ADAMTS6: variants seen among roughly 807,000 people sequenced by gnomAD.
ADAMTS6 encodes A disintegrin and metalloproteinase with thrombospondin motifs 6.
In ADAMTS6, 23 loss-of-function variants were observed where a neutral mutation model predicts 144.3. The observed-to-expected ratio is 0.16, with a 90% CI of 0.11 to 0.23. The LOEUF is 0.23. Ranked by LOEUF, ADAMTS6 falls within the 10% of genes least tolerant of loss-of-function variation. ADAMTS6 has a pLI of 1.00. For missense variants in ADAMTS6, 999 were observed against 1,379.6 expected, an observed-to-expected ratio of 0.72 and a Z score of 4.37; for synonymous variants, 444 against 457.5, an observed-to-expected ratio of 0.97 and a Z score of 0.38.
chr5:65,337,103 T>C (rs1422383959), intron 7 of ADAMTS6, among the ~76,000 whole-genome samples: 1 of 152,134 alleles, frequency 6.6e-6, no homozygotes, highest in Non-Finnish European at 1.5e-5. Context: ...GTATTTATAC[T>C]ATAAATTGGG....
chr5:65,156,042 C>T (rs2111964459), intron 24 of ADAMTS6, among the ~76,000 whole-genome samples: 1 of 152,128 alleles, frequency 6.6e-6, no homozygotes, highest in Middle Eastern at 3.4e-3. Flanking sequence ...TTTTAAAGCC[C>T]CATTATTACA....
intron 7 of ADAMTS6, among the ~76,000 whole-genome samples, chr5:65,419,264 G>C (rs1242527540): frequency 1.3e-5 from 2 of 152,160 alleles, no homozygotes; most frequent in African/African-American, 4.8e-5. Context: ...AATGCAACTA[G>C]AGGTCAGTAT....
chr5:65,368,820 C>T (rs1027377235), intron 7 of ADAMTS6, among the ~76,000 whole-genome samples: 3 of 152,054 alleles, frequency 2.0e-5, no homozygotes, highest in Non-Finnish European at 4.4e-5. Flanking sequence ...TTTGGGAGGC[C>T]GAGGCGGGTG....
intron 13 of ADAMTS6, 109 bp from the exon 14 acceptor site, chr5:65,260,772 C>A: frequency 1.4e-6 from 1 of 715,540 alleles, no homozygotes; most frequent in South Asian, 2.4e-5. Context: ...AAAAATATAT[C>A]ATTTGACATG....
intron 7 of ADAMTS6, among the ~76,000 whole-genome samples, chr5:65,360,293 A>G (rs1749706077): frequency 6.6e-6 from 1 of 152,180 alleles, no homozygotes; most frequent in Non-Finnish European, 1.5e-5. Context: ...AACTCTATCA[A>G]GAGAACGGCA....
At chr5:65,376,982 G>A (rs1159377766) in intron 7 of ADAMTS6, among the ~76,000 whole-genome samples, 1 of 152,022 alleles carries the variant, frequency 6.6e-6, no homozygotes, top group African/African-American at 2.4e-5. Flanking sequence ...CGAAAAAGGG[G>A]TGAGAGTATC....
In ADAMTS6 at chr5:65,349,763, G is replaced by A. The variant is rs1277051956; in HGVS notation, c.1074-15678C>T. On this transcript the variant is annotated intron_variant, in intron 7 of 24. Coordinates refer to ENST00000381055, the MANE Select transcript of ADAMTS6 (RefSeq NM_197941.4). ...CCAGCTACTTGGGAGGCTGAGACAA[G>A]AGAATTGCTTGAACCCAAGAGGCGG... Among the ~76,000 whole-genome samples, 21 of 151,684 alleles carry A rather than the reference G, an allele frequency of 1.4e-4. 1 individual carries two copies.
intron 9 of ADAMTS6, among the ~76,000 whole-genome samples, chr5:65,305,971 A>T (rs753002153): frequency 6.6e-6 from 1 of 152,208 alleles, no homozygotes; most frequent in Non-Finnish European, 1.5e-5. Flanking sequence ...ATGAGGTAAC[A>T]TCTCTCCTCT....
At chr5:65,367,800 G>A (rs1750443425) in intron 7 of ADAMTS6, among the ~76,000 whole-genome samples, 1 of 151,566 alleles carries the variant, frequency 6.6e-6, no homozygotes, top group Non-Finnish European at 1.5e-5. Context: ...TTGTTTCCTG[G>A]GGAACAAACT....
intron 7 of ADAMTS6, among the ~76,000 whole-genome samples, chr5:65,356,886 T>C (rs956258554): frequency 1.3e-5 from 2 of 151,888 alleles, no homozygotes; most frequent in African/African-American, 4.8e-5. Flanking sequence ...TTTCCTTCTA[T>C]ACCTCAATTC....
intron 11 of ADAMTS6, among the ~76,000 whole-genome samples, chr5:65,275,428 GAAAGA>G (rs1762451182): frequency 6.8e-6 from 1 of 147,700 alleles, no homozygotes; most frequent in South Asian, 2.2e-4. Context: ...AAGAAAGAAA[GAAAGA>G]AAAGAAAAAA....
intron 7 of ADAMTS6, among the ~76,000 whole-genome samples, chr5:65,406,208 C>T (rs1754467462): frequency 6.6e-6 from 1 of 152,156 alleles, no homozygotes; most frequent in African/African-American, 2.4e-5. Context: ...TGAGAGAGGG[C>T]ATCCTTGTCT....
intron 24 of ADAMTS6, among the ~76,000 whole-genome samples, chr5:65,162,722 C>T (rs1752858946): frequency 6.6e-6 from 1 of 151,376 alleles, no homozygotes; most frequent in Non-Finnish European, 1.5e-5. Flanking sequence ...ATATAAAGGG[C>T]CTAACATAAT....
intron 23 of ADAMTS6, among the ~76,000 whole-genome samples, chr5:65,172,531 G>A (rs1753698553): frequency 6.6e-6 from 1 of 152,088 alleles, no homozygotes; most frequent in Admixed American, 6.6e-5. Flanking sequence ...CAAAGTTTTG[G>A]TAGCTTGTTC....
At chr5:65,159,500 A>G (rs1241819771) in intron 24 of ADAMTS6, among the ~76,000 whole-genome samples, 2 of 152,098 alleles carry the variant, frequency 1.3e-5, no homozygotes, top group African/African-American at 4.8e-5. Context: ...GTGACTGCAC[A>G]CACTTGTCCT....
At chr5:65,178,663 C>T (rs1185628861) in intron 22 of ADAMTS6, among the ~76,000 whole-genome samples, 3 of 152,190 alleles carry the variant, frequency 2.0e-5, no homozygotes, top group Non-Finnish European at 4.4e-5. Flanking sequence ...TGTCTAAGGG[C>T]CCTGGCAGCA....
At chr5:65,265,774 G>A (rs1761573499) in intron 12 of ADAMTS6, among the ~76,000 whole-genome samples, 1 of 151,840 alleles carries the variant, frequency 6.6e-6, no homozygotes, top group South Asian at 2.1e-4. Context: ...TAAGGCCTAA[G>A]CACTTCAGTT....
At chr5:65,323,959 G>A (rs1303633017) in intron 9 of ADAMTS6, among the ~76,000 whole-genome samples, 3 of 152,056 alleles carry the variant, frequency 2.0e-5, no homozygotes, top group Admixed American at 6.5e-5. Context: ...ACTTTTTGAT[G>A]GGGTTGTTTG....
intron 11 of ADAMTS6, among the ~76,000 whole-genome samples, chr5:65,284,783 G>A (rs75420489): frequency 0.034 from 5,152 of 152,132 alleles, 299 homozygotes; most frequent in African/African-American, 0.12. Context: ...TTAATGTGAA[G>A]TCTTAAAGTT....
Sources: gnomAD v4.1 joint callset for allele counts (sites outside exome capture counted in the v4.1 genomes callset) on GRCh38, gnomAD v4.1.1 for gene constraint, MANE v1.5 for transcripts, NCBI Gene and HGNC (gene_info 2026-07-23, HGNC 2026-07-21) for gene names.